CD69: variants seen among roughly 807,000 people sequenced by gnomAD.
The protein encoded by CD69 is CD69 molecule.
A neutral mutation model predicts 21.4 loss-of-function variants in CD69; 10 were observed. That is an observed-to-expected ratio of 0.47 (90% CI 0.29 to 0.79). The LOEUF (loss-of-function observed/expected upper bound fraction) is 0.79, where lower values mean the gene tolerates loss of function less well. Among genes scored for constraint, CD69 ranks in the 30% least tolerant of loss-of-function variants. CD69 has a pLI of 0.09. For synonymous variants in CD69, 63 were observed against 78.2 expected, an observed-to-expected ratio of 0.81 and a Z score of 1.03; for missense variants, 204 against 236.9, an observed-to-expected ratio of 0.86 and a Z score of 0.91.
Position 9,753,555 on chromosome 12 carries a change from GA to G in CD69, c.525del (p.Leu176Ter). 2 of 1,583,066 alleles carry G rather than the reference GA, an allele frequency of 1.3e-6. No individual in the cohort carries two copies. The highest frequency in any genetic ancestry group is 1.7e-6 in the Non-Finnish European group (2 of 1,154,804). ...FNVTGSDKCV[F>X]LKNTEVSSME... ...ATGCTGCTGACCTCTGTGTTTTTCA[GA>G]AAAACACACTTGTCAGACCCTGTAA... On this transcript the variant is annotated frameshift_variant, in exon 5 of 5. Transcript: ENST00000228434. LOFTEE classifies it low-confidence loss of function (END_TRUNC).
At chr12:9,754,404 A>G (rs781068490) in intron 4 of CD69, 183 bp downstream of exon 4, 1 of 455,626 alleles carries the variant, frequency 2.2e-6, no homozygotes, top group Non-Finnish European at 3.9e-6. Context: ...AAGTGTGGAT[A>G]AAGAAAAAGA....
intron 1 of CD69, among the ~76,000 whole-genome samples, 193 bp from the exon 2 acceptor site, chr12:9,756,612 G>A (rs914682107): frequency 1.3e-5 from 2 of 152,050 alleles, no homozygotes; most frequent in Admixed American, 6.6e-5. Context: ...TTGTTGGCTT[G>A]AAATGAAACA....
At chr12:9,760,707 G>T in intron 1 of CD69, 50 bp downstream of exon 1, 2 of 1,290,712 alleles carry the variant, frequency 1.5e-6, no homozygotes, top group Non-Finnish European at 1.1e-6. Context: ...TACTATTAAT[G>T]TCATATATAG....
Position 9,754,701 on chromosome 12 carries a change from G to A in CD69, c.388-11C>T. 6.5e-7 allele frequency: 1 copy of A among 1,532,742 alleles called. No individual in the cohort carries two copies. 94.9% of individuals were successfully genotyped at this position (1,532,742 alleles called of 1,614,324 possible). ...TCGTTTTAGAAAGTTCTTAAAGAAA[G>A]CACAAAGGAGTTTGTTACATTAAAC... On this transcript the variant is annotated splice_polypyrimidine_tract_variant and intron_variant, in intron 3 of 4. Transcript: ENST00000228434.
In CD69 at chr12:9,758,830, G is replaced by A. The variant is rs780988952; in HGVS notation, c.64+1927C>T. Among the ~76,000 whole-genome samples, 8 of 152,322 alleles carry A rather than the reference G, an allele frequency of 5.3e-5. No homozygotes were observed. In the East Asian group the frequency reaches 1.5e-3, roughly 29 times the overall value. ...GAGCACTAACACACCCCAGTGACCC[G>A]TGGGTTCCAGAGTCTCAGTCAGCCC... is the stretch of plus-strand genomic sequence containing the variant. On this transcript the variant is annotated intron_variant, in intron 1 of 4. Transcript: ENST00000228434.
At chr12:9,758,062 CT>C (rs58176994) in intron 1 of CD69, among the ~76,000 whole-genome samples, 2 of 149,502 alleles carry the variant, frequency 1.3e-5, no homozygotes, top group African/African-American at 4.9e-5. Flanking sequence ...AAGTAAAAGC[CT>C]TTTTTTTTCC....
In CD69 at chr12:9,760,767, A is replaced by G. The variant is rs1292537300; in HGVS notation, c.54T>C (p.Ser18=). The change falls in exon 1 of 5, where the codon AGT becomes AGC. Residue 18 remains serine (S), a synonymous_variant. Coordinates refer to ENST00000228434, the MANE Select transcript of CD69 (RefSeq NM_001781.2). ...VAENSSLHPE[S]GQENDATSPH... ...TCAGATCTGACTTACTTTCTTGTCC[A>G]CTCTCCGGATGCAAAGAGCTGTTCT... 2 of 1,612,356 alleles carry G rather than the reference A, an allele frequency of 1.2e-6. No individual in the cohort carries two copies. Among genetic ancestry groups the G allele is most frequent in the Non-Finnish European group, 1.7e-6 (2 of 1,179,332 alleles).
At chr12:9,759,056 A>C (rs981034593) in intron 1 of CD69, among the ~76,000 whole-genome samples, 2 of 152,010 alleles carry the variant, frequency 1.3e-5, no homozygotes, top group Non-Finnish European at 2.9e-5. Flanking sequence ...CAGCCTCCTA[A>C]GTAGCTGGGA....
chr12:9,753,276 T>C lies in CD69; in HGVS notation c.*205A>G. On this transcript the variant is annotated 3_prime_UTR_variant, in exon 5 of 5. Transcript: ENST00000228434. ...GTCAACCTGTGATGCTTCTAGCTCA[T>C]GGCAATAAAAGCCCACAGTGCAGAT... 1 of 364,656 alleles carries C rather than the reference T, an allele frequency of 2.7e-6. No homozygotes were observed. Among genetic ancestry groups the C allele is most frequent in the South Asian group, 6.9e-5 (1 of 14,576 alleles). 22.6% of individuals were successfully genotyped at this position (364,656 alleles called of 1,614,324 possible). A position where few individuals can be genotyped will look rare whatever the true frequency, so the allele number is the denominator to read the frequency against.
At chr12:9,755,649 T>C (rs996215851) in intron 2 of CD69, among the ~76,000 whole-genome samples, 5 of 152,232 alleles carry the variant, frequency 3.3e-5, no homozygotes, top group African/African-American at 1.2e-4. Context: ...ATGCAGTATT[T>C]ATAGCACTAG....
At chr12:9,754,076 A>G (rs1433611419) in intron 4 of CD69, 1 of 153,434 alleles carries the variant, frequency 6.5e-6, no homozygotes, top group East Asian at 1.9e-4. Context: ...AATGATCTTC[A>G]AACATTAAAT....
chr12:9,754,505 A>G (rs1866659552), intron 4 of CD69, 82 bp downstream of exon 4: 1 of 804,306 alleles, frequency 1.2e-6, no homozygotes, highest in Non-Finnish European at 2.2e-6. Context: ...CTTTATATTT[A>G]AAGTGCTTTG....
chr12:9,753,643 G>A, intron 4 of CD69, 54 bp from the exon 5 acceptor site: 1 of 819,042 alleles, frequency 1.2e-6, no homozygotes. Flanking sequence ...TTTTCATTCA[G>A]TTACATGAGA....
intron 1 of CD69, among the ~76,000 whole-genome samples, chr12:9,759,407 G>A (rs1471309663): frequency 6.6e-6 from 1 of 152,042 alleles, no homozygotes; most frequent in Non-Finnish European, 1.5e-5. Context: ...TCAAAAGAAA[G>A]TTGAAACAGT....
intron 4 of CD69, 39 bp downstream of exon 4, chr12:9,754,548 G>T: frequency 1.8e-6 from 2 of 1,131,300 alleles, no homozygotes; most frequent in Non-Finnish European, 2.7e-6. Context: ...TTCCTGAGAT[G>T]CCACCCTGGG....
chr12:9,754,825 G>T, intron 3 of CD69, 135 bp from the exon 4 acceptor site: 1 of 710,688 alleles, frequency 1.4e-6, no homozygotes, highest in Non-Finnish European at 2.4e-6. Flanking sequence ...TATAGGATCA[G>T]CATATTTGGA....
Position 9,754,665 on chromosome 12 carries a change from C to G in CD69, c.413G>C (p.Arg138Thr). Residue 138 changes from arginine to threonine, a missense_variant, in exon 4 of 5, where the codon AGA becomes ACA. By Grantham distance (71) the Arg-to-Thr change is moderately conservative. Coordinates refer to ENST00000228434, the MANE Select transcript of CD69 (RefSeq NM_001781.2). ...DMNFLKRYAG[R>T]EEHWVGLKKE... ...TTTCAGTCCAACCCAGTGTTCCTCT[C>G]TACCTGCGTATCGTTTTAGAAAGTT... 3.7e-6 allele frequency: 6 copies of G among 1,611,304 alleles called. No homozygotes were observed. Among genetic ancestry groups the G allele is most frequent in the Non-Finnish European group, 5.1e-6 (6 of 1,177,436 alleles).
chr12:9,758,174 TAAGTA>T (rs1866697581), intron 1 of CD69, among the ~76,000 whole-genome samples: 1 of 152,154 alleles, frequency 6.6e-6, no homozygotes, highest in Non-Finnish European at 1.5e-5. Context: ...TTCTACACTC[TAAGTA>T]AATAACTGAG....
rs1866667960 is a variant in CD69 at position 9,755,079 on chromosome 12, C to G, written c.370G>C (p.Asp124His). 1 of 1,613,732 alleles carries G rather than the reference C, an allele frequency of 6.2e-7. No homozygotes were observed. The highest frequency in any genetic ancestry group is 1.3e-5 in the African/African-American group (1 of 74,886). The change falls in exon 3 of 5, where the codon GAT becomes CAT. Residue 124 changes from aspartate (D) to histidine (H), a missense_variant. Coordinates refer to ENST00000228434, the MANE Select transcript of CD69 (RefSeq NM_001781.2). ...SEHGATLAVI[D>H]SEKDMNFLKR... The stretch of plus-strand genomic sequence containing the variant: ...ATTCTTACCATGTCCTTTTCAGAAT[C>G]AATGACAGCAAGAGTAGCACCATGT...
Sources: allele counts gnomAD v4.1 joint callset (sites outside exome capture counted in the v4.1 genomes callset), GRCh38; gene constraint gnomAD v4.1.1; transcripts MANE v1.5; gene names NCBI Gene and HGNC (gene_info 2026-07-23, HGNC 2026-07-21).